Variants in FHIT observed in about 807,000 individuals in gnomAD.
FHIT encodes the protein fragile histidine triad diadenosine triphosphatase, also known as bis(5'-adenosyl)-triphosphatase.
In FHIT, 19 loss-of-function variants were observed where a neutral mutation model predicts 17.9. That is an observed-to-expected ratio of 1.06 (90% CI 0.74 to 1.56). The LOEUF is 1.56. FHIT is among the 40% of genes most tolerant of loss of function. The pLI, the probability that FHIT is intolerant of heterozygous loss-of-function variation, is 0.00. For synonymous variants in FHIT, 81 were observed against 69.7 expected (o/e 1.16, Z -0.81); for missense variants, 248 against 189.2 (o/e 1.31, Z -1.82).
At chr3:59,925,981 T>C (rs1705640961) in intron 7 of FHIT, among the ~76,000 whole-genome samples, 1 of 152,266 alleles carries the variant, frequency 6.6e-6, no homozygotes, top group South Asian at 2.1e-4. Context: ...CATATTAAGC[T>C]GTGGTGATCA....
At chr3:60,901,288 G>C (rs1706100905) in intron 3 of FHIT, among the ~76,000 whole-genome samples, 1 of 151,948 alleles carries the variant, frequency 6.6e-6, no homozygotes, top group Non-Finnish European at 1.5e-5. Flanking sequence ...TATTTGTCTT[G>C]ATCACTAAGT....
intron 4 of FHIT, among the ~76,000 whole-genome samples, chr3:60,672,887 G>A (rs1356314778): frequency 7.9e-5 from 12 of 151,090 alleles, no homozygotes; most frequent in African/African-American, 2.9e-4. Context: ...GTGTGTGTGT[G>A]TGTGTGTGTG....
At chr3:60,622,527 A>C (rs995291084) in intron 4 of FHIT, among the ~76,000 whole-genome samples, 4 of 152,206 alleles carry the variant, frequency 2.6e-5, no homozygotes, top group African/African-American at 4.8e-5. Context: ...ATAACAAAAC[A>C]ATCAGAACTC....
At chr3:60,130,054 T>A (rs1699470091) in intron 5 of FHIT, among the ~76,000 whole-genome samples, 1 of 152,278 alleles carries the variant, frequency 6.6e-6, no homozygotes, top group East Asian at 1.9e-4. Flanking sequence ...ATTTTGGTGA[T>A]ATGCCATTCC....
At chr3:60,417,081 T>A (rs1234065643) in intron 5 of FHIT, among the ~76,000 whole-genome samples, 1 of 146,396 alleles carries the variant, frequency 6.8e-6, no homozygotes, top group South Asian at 2.2e-4. Flanking sequence ...AGAGGGAGAC[T>A]CCATCTCAGA....
intron 8 of FHIT, among the ~76,000 whole-genome samples, chr3:59,797,150 ATAT>A (rs1384018428): frequency 1.3e-5 from 2 of 152,096 alleles, no homozygotes; most frequent in Non-Finnish European, 2.9e-5. Context: ...TCCATGTTTA[ATAT>A]TATAAGTCAC....
At chr3:60,137,980 T>A (rs757607451) in intron 5 of FHIT, among the ~76,000 whole-genome samples, 9 of 152,216 alleles carry the variant, frequency 5.9e-5, no homozygotes, top group Non-Finnish European at 1.2e-4. Context: ...CACAGCATTA[T>A]GAATTACATG....
intron 4 of FHIT, among the ~76,000 whole-genome samples, chr3:60,610,018 T>C (rs1198748474): frequency 6.6e-6 from 1 of 152,194 alleles, no homozygotes; most frequent in Admixed American, 6.5e-5. Context: ...TGCTTTAATT[T>C]TATTACAAGG....
At chr3:59,759,692 T>C (rs1217336620) in intron 8 of FHIT, among the ~76,000 whole-genome samples, 1 of 152,204 alleles carries the variant, frequency 6.6e-6, no homozygotes, top group Non-Finnish European at 1.5e-5. Context: ...TTCATGCTTC[T>C]GGCACCTCCC....
chr3:59,995,213 C>A (rs1337820553), intron 7 of FHIT, among the ~76,000 whole-genome samples: 1 of 151,562 alleles, frequency 6.6e-6, no homozygotes, highest in Non-Finnish European at 1.5e-5. Flanking sequence ...AAAAAAAAAA[C>A]AACAGAACAA....
At chr3:60,364,142 T>TCTC (rs1310751156) in intron 5 of FHIT, among the ~76,000 whole-genome samples, 2 of 152,228 alleles carry the variant, frequency 1.3e-5, no homozygotes, top group African/African-American at 4.8e-5. Flanking sequence ...CTGGTCCCTC[T>TCTC]TGGAACTCTG....
intron 1 of FHIT, among the ~76,000 whole-genome samples, chr3:61,246,324 G>A (rs1440649788): frequency 6.6e-6 from 1 of 152,006 alleles, no homozygotes; most frequent in Non-Finnish European, 1.5e-5. Context: ...ATTCTTTCTT[G>A]CATAAGACCC....
At chr3:60,294,718 G>A (rs1708132157) in intron 5 of FHIT, among the ~76,000 whole-genome samples, 1 of 151,932 alleles carries the variant, frequency 6.6e-6, no homozygotes, top group Non-Finnish European at 1.5e-5. Flanking sequence ...CTTAATCACT[G>A]CCAACCACTC....
chr3:61,006,723 T>C (rs1301211961), intron 3 of FHIT, among the ~76,000 whole-genome samples: 1 of 152,064 alleles, frequency 6.6e-6, no homozygotes, highest in Non-Finnish European at 1.5e-5. Flanking sequence ...TTAAGTTTGC[T>C]GAATTACTGC....
At chr3:60,212,229 C>G (rs1389473953) in intron 5 of FHIT, among the ~76,000 whole-genome samples, 2 of 152,074 alleles carry the variant, frequency 1.3e-5, no homozygotes, top group Non-Finnish European at 2.9e-5. Context: ...AGGTATGGAG[C>G]CTGTTTAAAA....
intron 4 of FHIT, among the ~76,000 whole-genome samples, chr3:60,613,442 A>G (rs1325946450): frequency 6.6e-6 from 1 of 152,172 alleles, no homozygotes. Context: ...CAAAAGCACA[A>G]TGATACAAAG....
intron 5 of FHIT, among the ~76,000 whole-genome samples, chr3:60,065,247 G>C (rs147547517): frequency 4.0e-4 from 61 of 152,316 alleles, no homozygotes; most frequent in African/African-American, 1.2e-3. Context: ...TTATGAGCTA[G>C]AATGCTTAGT....
intron 2 of FHIT, among the ~76,000 whole-genome samples, chr3:61,185,411 C>A (rs375827705): frequency 6.6e-6 from 1 of 152,170 alleles, no homozygotes; most frequent in Non-Finnish European, 1.5e-5. Flanking sequence ...AGTGGCCAAG[C>A]AGACACAAGT....
chr3:59,771,498 T>A (rs1702072907), intron 8 of FHIT, among the ~76,000 whole-genome samples: 1 of 152,204 alleles, frequency 6.6e-6, no homozygotes, highest in Non-Finnish European at 1.5e-5. Context: ...GGGGTATGTT[T>A]GAGGGTGAAA....
Sources: gnomAD v4.1 joint callset for allele counts (sites outside exome capture counted in the v4.1 genomes callset) on GRCh38, gnomAD v4.1.1 for gene constraint, MANE v1.5 for transcripts, NCBI Gene and HGNC (gene_info 2026-07-23, HGNC 2026-07-21) for gene names.